SH3GLB2: variants seen among roughly 807,000 people sequenced by gnomAD.
SH3GLB2 encodes the protein endophilin-B2.
Under a neutral mutation model 48.0 loss-of-function variants are expected in SH3GLB2, and 24 were observed. That is an observed-to-expected ratio of 0.50 (90% CI 0.36 to 0.70). SH3GLB2 has a LOEUF of 0.70. SH3GLB2 is among the 30% of genes least tolerant of loss of function. SH3GLB2 has a pLI of 0.00. For synonymous variants in SH3GLB2, 227 were observed against 207.6 expected (o/e 1.09, Z -0.80); for missense variants, 425 against 516.0 (o/e 0.82, Z 1.71).
In SH3GLB2 at chr9:129,028,242, T is replaced by A; in HGVS notation, c.-88A>T. The A allele has an allele frequency of 2.3e-6, 2 of 884,626 alleles. No homozygotes were observed. Among genetic ancestry groups the A allele is most frequent in the Non-Finnish European group, 2.8e-6 (2 of 725,496 alleles). 54.8% of individuals were successfully genotyped at this position (884,626 alleles called of 1,614,324 possible). On this transcript the variant is annotated 5_prime_UTR_variant, in exon 1 of 11. Transcript: ENST00000372564. Reference sequence around the variant, plus strand: ...CGCCGCCAACCGCACCCCGCCCACCTGCTGCGGGGCACCAGCCCTCCGCGC... The same window carrying A: ...CGCCGCCAACCGCACCCCGCCCACCAGCTGCGGGGCACCAGCCCTCCGCGC...
At chr9:129,010,562 A>G in intron 7 of SH3GLB2, 108 bp downstream of exon 7, 1 of 1,290,746 alleles carries the variant, frequency 7.7e-7, no homozygotes, top group South Asian at 1.3e-5. Flanking sequence ...ACCCCTCCCC[A>G]GTGGGTGTGG....
intron 3 of SH3GLB2, among the ~76,000 whole-genome samples, chr9:129,016,287 G>C (rs1052147222): frequency 7.1e-6 from 1 of 140,504 alleles, no homozygotes; most frequent in African/African-American, 2.7e-5. Context: ...AGGTTGCAGT[G>C]AGCCAACGTC....
At chr9:129,026,750 T>C (rs1452080050) in intron 1 of SH3GLB2, among the ~76,000 whole-genome samples, 1 of 152,176 alleles carries the variant, frequency 6.6e-6, no homozygotes, top group African/African-American at 2.4e-5. Context: ...GATAGTGTGG[T>C]TGCCATACCA....
intron 7 of SH3GLB2, 107 bp downstream of exon 7, chr9:129,010,563 G>C: frequency 7.7e-7 from 1 of 1,300,370 alleles, no homozygotes; most frequent in Non-Finnish European, 1.1e-6. Flanking sequence ...CCCCTCCCCA[G>C]TGGGTGTGGG....
chr9:129,028,032 G>C lies in SH3GLB2; in HGVS notation c.63+60C>G, dbSNP rs1391677737. On this transcript the variant is annotated intron_variant, in intron 1 of 10. Transcript: ENST00000372564. ...CCGCGTCCCCAGGCGTCTGCCGCAG[G>C]GTGCTCCCCGCCCGCCGCACATCCG... 1.4e-5 allele frequency: 20 copies of C among 1,458,100 alleles called. No homozygotes were observed. The East Asian group carries it at 5.3e-4, about 38-fold the overall frequency. The allele number at this position is 1,458,100 out of a possible 1,614,324, so 90.3% of individuals were successfully genotyped here.
intron 7 of SH3GLB2, chr9:129,010,462 A>G: frequency 1.5e-6 from 1 of 651,890 alleles, no homozygotes; most frequent in Admixed American, 2.9e-5. Flanking sequence ...CAGCAAGTGC[A>G]TCCTGAGGGC....
chr9:129,022,575 G>A (rs1358364864), intron 1 of SH3GLB2, 152 bp from the exon 2 acceptor site: 3 of 640,198 alleles, frequency 4.7e-6, no homozygotes, highest in Admixed American at 5.7e-5. Flanking sequence ...GATACTGTGT[G>A]ACCTGGCAGG....
Position 129,016,324 on chromosome 9 carries a change from C to A in SH3GLB2, c.335-1420G>T, listed in dbSNP as rs867172950. ...CACCACTGTACTCCAGCCTGGGCAA[C>A]AAGAGCAAGACTGTCTTTAAAAAAA... On this transcript the variant is annotated intron_variant, in intron 3 of 10. Transcript: ENST00000372564. Among the ~76,000 whole-genome samples, 262 of 104,542 alleles carry A rather than the reference C, an allele frequency of 2.5e-3. 2 individuals carry two copies. Among genetic ancestry groups the A allele is most frequent in the African/African-American group, 9.3e-3 (247 of 26,612 alleles). The allele number at this position is 104,542 out of a possible 152,430, so 68.6% of individuals were successfully genotyped here.
At chr9:129,020,848 C>T (rs1232005870) in intron 3 of SH3GLB2, among the ~76,000 whole-genome samples, 4 of 150,608 alleles carry the variant, frequency 2.7e-5, no homozygotes, top group South Asian at 2.1e-4. Flanking sequence ...CTAGCCTGGG[C>T]GACAGAGCGA....
At chr9:129,016,948 GCTCT>G (rs1359398080) in intron 3 of SH3GLB2, among the ~76,000 whole-genome samples, 2 of 143,456 alleles carry the variant, frequency 1.4e-5, no homozygotes, top group South Asian at 2.2e-4. Context: ...TGAATACTCT[GCTCT>G]TTTTTTTTTT....
At chr9:129,024,047 A>C (rs1843983026) in intron 1 of SH3GLB2, among the ~76,000 whole-genome samples, 2 of 152,202 alleles carry the variant, frequency 1.3e-5, no homozygotes, top group Admixed American at 1.3e-4. Context: ...TGCAGATAAC[A>C]GGATCTAGTT....
chr9:129,025,520 T>C (rs1418560432), intron 1 of SH3GLB2, among the ~76,000 whole-genome samples: 3 of 150,734 alleles, frequency 2.0e-5, no homozygotes, highest in African/African-American at 7.3e-5. Context: ...GAGCCGAGAT[T>C]GTGCCACTGC....
chr9:129,015,119 AG>A (rs2131258229), intron 3 of SH3GLB2, among the ~76,000 whole-genome samples: 1 of 152,354 alleles, frequency 6.6e-6, no homozygotes, highest in East Asian at 1.9e-4. Flanking sequence ...AACACAATGC[AG>A]CCATTATAAA....
At chr9:129,021,543 C>T (rs959050619) in intron 2 of SH3GLB2, among the ~76,000 whole-genome samples, 4 of 152,000 alleles carry the variant, frequency 2.6e-5, no homozygotes, top group East Asian at 1.9e-4. Context: ...ACACACAGCA[C>T]GACCCGGAGC....
At position 129,008,474 on chromosome 9, in the gene SH3GLB2, C is replaced by A; in HGVS notation, c.*210G>T. On this transcript the variant is annotated 3_prime_UTR_variant, in exon 11 of 11. Coordinates refer to ENST00000372564, the MANE Select transcript of SH3GLB2 (RefSeq NM_020145.4). Reference sequence around the variant, plus strand: ...GGGGATGCAGGCAGGGGCAGGGGCTCCAGAGCCACAGGTCAGAAGCAGGGC... The same window carrying A: ...GGGGATGCAGGCAGGGGCAGGGGCTACAGAGCCACAGGTCAGAAGCAGGGC... The A allele has an allele frequency of 1.9e-6, 1 of 527,462 alleles. No homozygotes were observed. The highest frequency in any genetic ancestry group is 3.4e-5 in the East Asian group (1 of 29,476). 32.7% of individuals were successfully genotyped at this position (527,462 alleles called of 1,614,324 possible). A position where few individuals can be genotyped will look rare whatever the true frequency, so the allele number is the denominator to read the frequency against.
At position 129,022,332 on chromosome 9, in the gene SH3GLB2, C is replaced by T; in HGVS notation, c.155G>A (p.Trp52Ter). The T allele has an allele frequency of 6.2e-7, 1 of 1,614,162 alleles. No individual in the cohort carries two copies. The highest frequency in any genetic ancestry group is 1.3e-5 in the African/African-American group (1 of 75,050). ...LLARADSTKNWTEKILRQTEV... is the reference protein window; with the variant it reads ...LLARADSTKN ...TGTCTGCCTCAAGATCTTCTCTGTC[C>T]AGTTCTTGGTGCTGTCTGCCCGGGC... Residue 52 changes from tryptophan to a stop codon, truncating the protein, a stop_gained, in exon 2 of 11, where the codon TGG (tryptophan) becomes TAG (stop). Transcript: ENST00000372564. LOFTEE classifies it high-confidence loss of function.
intron 5 of SH3GLB2, chr9:129,012,849 T>C: frequency 1.2e-6 from 1 of 832,004 alleles, no homozygotes; most frequent in Non-Finnish European, 1.8e-6. Flanking sequence ...ACGCCTGGCA[T>C]CCCCCCCTAA....
chr9:129,027,321 C>T (rs1844216978), intron 1 of SH3GLB2, among the ~76,000 whole-genome samples: 1 of 152,134 alleles, frequency 6.6e-6, no homozygotes, highest in Admixed American at 6.5e-5. Context: ...AATACTGATC[C>T]CATTTTTCAG....
intron 9 of SH3GLB2, 30 bp downstream of exon 9, chr9:129,009,741 C>A: frequency 6.3e-7 from 1 of 1,592,118 alleles, no homozygotes; most frequent in Non-Finnish European, 8.6e-7. Flanking sequence ...CCAGGGGGCC[C>A]CAGTGGGTTC....
Sources: allele counts gnomAD v4.1 joint callset (sites outside exome capture counted in the v4.1 genomes callset), GRCh38; gene constraint gnomAD v4.1.1; transcripts MANE v1.5; gene names NCBI Gene and HGNC (gene_info 2026-07-23, HGNC 2026-07-21).